CAMKMT: variants seen among roughly 807,000 people sequenced by gnomAD.
CAMKMT encodes the protein calmodulin-lysine N-methyltransferase.
CAMKMT carries 53 observed loss-of-function variants against 48.0 expected under a neutral mutation model. That is an observed-to-expected ratio of 1.10 (90% CI 0.89 to 1.39). The LOEUF is 1.39. CAMKMT is among the 40% of genes most tolerant of loss of function. The probability of loss-of-function intolerance (pLI) is 0.00; values close to 1 mark genes in which losing one functional copy is unlikely to be tolerated. For synonymous variants in CAMKMT, 165 were observed against 152.3 expected (o/e 1.08, Z -0.61); for missense variants, 428 against 402.7 (o/e 1.06, Z -0.54).
rs572537292 is a variant in CAMKMT at position 44,610,635 on chromosome 2, A to G, written c.377-93648A>G. On this transcript the variant is annotated intron_variant, in intron 3 of 10. Coordinates refer to ENST00000378494, the MANE Select transcript of CAMKMT (RefSeq NM_024766.5). ...TTGCCAAAAATAAATGAAATATCTCAAAGTAAAAATAAGTATCAGCAGTAA... is the reference window on the plus strand; with the variant it reads ...TTGCCAAAAATAAATGAAATATCTCGAAGTAAAAATAAGTATCAGCAGTAA... 3.9e-5 allele frequency among the ~76,000 whole-genome samples: 6 copies of G among 152,356 alleles called. No individual in the cohort carries two copies. In the East Asian group the frequency reaches 7.7e-4, roughly 20 times the overall value.
intron 3 of CAMKMT, among the ~76,000 whole-genome samples, chr2:44,599,912 A>C (rs1324188190): frequency 1.3e-5 from 2 of 151,920 alleles, no homozygotes; most frequent in African/African-American, 4.8e-5. Flanking sequence ...AATTTTTATG[A>C]ATTTTTCTTC....
chr2:44,486,122 G>C (rs113334187), intron 3 of CAMKMT, among the ~76,000 whole-genome samples: 4 of 151,990 alleles, frequency 2.6e-5, no homozygotes, highest in African/African-American at 9.7e-5. Context: ...GTGCCACCAC[G>C]CCTGGCTAAT....
At chr2:44,543,058 TTAAC>T (rs1476233797) in intron 3 of CAMKMT, among the ~76,000 whole-genome samples, 1 of 152,192 alleles carries the variant, frequency 6.6e-6, no homozygotes, top group East Asian at 1.9e-4. Context: ...ACTAGTATCT[TTAAC>T]TAGGGGAATA....
At chr2:44,636,751 A>G (rs1373899488) in intron 3 of CAMKMT, among the ~76,000 whole-genome samples, 1 of 152,244 alleles carries the variant, frequency 6.6e-6, no homozygotes, top group Non-Finnish European at 1.5e-5. Flanking sequence ...GCAACAATAC[A>G]TAAACTCATT....
chr2:44,691,427 C>G (rs1424663763), intron 3 of CAMKMT, among the ~76,000 whole-genome samples: 1 of 152,214 alleles, frequency 6.6e-6, no homozygotes, highest in East Asian at 1.9e-4. Context: ...TTCTTTACCT[C>G]CTAATCGTCA....
chr2:44,488,917 G>A (rs368468857), intron 3 of CAMKMT, among the ~76,000 whole-genome samples: 30 of 151,422 alleles, frequency 2.0e-4, no homozygotes, highest in East Asian at 1.2e-3. Flanking sequence ...CCAGACTGGA[G>A]TACAGTGGCA....
At chr2:44,612,818 TAATTATTGTTAAGCTTACTTTTC>T (rs1316089556) in intron 3 of CAMKMT, among the ~76,000 whole-genome samples, 1 of 152,212 alleles carries the variant, frequency 6.6e-6, no homozygotes, top group African/African-American at 2.4e-5. Context: ...AAGACTATTT[TAATTATTGTTAAGCTTACTTTTC>T]AATCCCCCTC....
intron 3 of CAMKMT, among the ~76,000 whole-genome samples, chr2:44,584,671 T>C (rs916566289): frequency 6.6e-6 from 1 of 152,192 alleles, no homozygotes; most frequent in African/African-American, 2.4e-5. Context: ...TTCAGTTCTA[T>C]AAGGCAATAG....
At chr2:44,401,616 G>A (rs1028893949) in intron 3 of CAMKMT, among the ~76,000 whole-genome samples, 2 of 151,982 alleles carry the variant, frequency 1.3e-5, no homozygotes, top group African/African-American at 4.8e-5. Flanking sequence ...AATTTACCCT[G>A]CTAACAATTT....
At chr2:44,554,974 C>T (rs577831319) in intron 3 of CAMKMT, among the ~76,000 whole-genome samples, 4 of 152,018 alleles carry the variant, frequency 2.6e-5, no homozygotes, top group East Asian at 1.9e-4. Context: ...AGATGAAGGG[C>T]GTTCTGGTTG....
At chr2:44,645,760 G>A (rs984265996) in intron 3 of CAMKMT, among the ~76,000 whole-genome samples, 9 of 152,176 alleles carry the variant, frequency 5.9e-5, no homozygotes, top group Non-Finnish European at 2.9e-5. Context: ...GGCGGAGGCT[G>A]CAGTGAGCTG....
At chr2:44,664,353 GAAATTTAACAAATGTT>G (rs1674845346) in intron 3 of CAMKMT, among the ~76,000 whole-genome samples, 4 of 152,160 alleles carry the variant, frequency 2.6e-5, no homozygotes, top group South Asian at 4.2e-4. Context: ...ACAAACGTTA[GAAATTTAACAAATGTT>G]AAATTTAACA....
intron 3 of CAMKMT, among the ~76,000 whole-genome samples, chr2:44,604,551 C>G (rs1671175832): frequency 7.8e-6 from 1 of 128,488 alleles, no homozygotes; most frequent in Non-Finnish European, 1.7e-5. Flanking sequence ...CTATGAAAGC[C>G]AATCTGGTTT....
At chr2:44,367,887 C>A (rs1470685525) in intron 1 of CAMKMT, among the ~76,000 whole-genome samples, 1 of 152,156 alleles carries the variant, frequency 6.6e-6, no homozygotes. Flanking sequence ...GATTTTCAAC[C>A]AATACTTTTG....
At chr2:44,493,854 C>G (rs1010001474) in intron 3 of CAMKMT, among the ~76,000 whole-genome samples, 8 of 151,958 alleles carry the variant, frequency 5.3e-5, no homozygotes, top group East Asian at 1.9e-4. Context: ...TTTCCTTCAT[C>G]AAAAAAATAA....
At chr2:44,437,602 C>G (rs1474479901) in intron 3 of CAMKMT, among the ~76,000 whole-genome samples, 2 of 152,106 alleles carry the variant, frequency 1.3e-5, no homozygotes, top group Non-Finnish European at 2.9e-5. Context: ...AATCCCAGCA[C>G]TTTGGGAGGC....
intron 3 of CAMKMT, among the ~76,000 whole-genome samples, chr2:44,696,849 T>A (rs1024495394): frequency 1.3e-5 from 2 of 152,052 alleles, no homozygotes; most frequent in Non-Finnish European, 2.9e-5. Flanking sequence ...TTCAAATAAT[T>A]AAGACATTGC....
chr2:44,735,068 T>C (rs1380728600), intron 7 of CAMKMT, among the ~76,000 whole-genome samples: 1 of 152,246 alleles, frequency 6.6e-6, no homozygotes. Flanking sequence ...AATTGTTATG[T>C]CTGCTTCTTG....
At chr2:44,451,348 C>T (rs1038232990) in intron 3 of CAMKMT, among the ~76,000 whole-genome samples, 24 of 152,004 alleles carry the variant, frequency 1.6e-4, no homozygotes, top group African/African-American at 4.8e-4. Flanking sequence ...TTAGAAAAAT[C>T]GTTACCCTAA....
Sources: allele counts gnomAD v4.1 joint callset (sites outside exome capture counted in the v4.1 genomes callset), GRCh38; gene constraint gnomAD v4.1.1; transcripts MANE v1.5; gene names NCBI Gene and HGNC (gene_info 2026-07-23, HGNC 2026-07-21).